The following ENOX1 variants were observed in gnomAD, a reference collection of about 807,000 sequenced individuals.
The protein encoded by ENOX1 is ecto-NOX disulfide-thiol exchanger 1, also known as candidate growth-related and time keeping constitutive hydroquinone (NADH) oxidase.
In ENOX1, 42 loss-of-function variants were observed where a neutral mutation model predicts 82.5. That is an observed-to-expected ratio of 0.51 (90% CI 0.40 to 0.66). The LOEUF (loss-of-function observed/expected upper bound fraction) is 0.66. Ranked by LOEUF, ENOX1 falls within the 30% of genes least tolerant of loss-of-function variation. The pLI is 0.00. For synonymous variants in ENOX1, 271 were observed against 282.2 expected, an observed-to-expected ratio of 0.96 and a Z score of 0.40; for missense variants, 608 against 811.6, an observed-to-expected ratio of 0.75 and a Z score of 3.05.
At chr13:43,685,850 T>G (rs934885087) in intron 1 of ENOX1, among the ~76,000 whole-genome samples, 7 of 149,300 alleles carry the variant, frequency 4.7e-5, no homozygotes, top group African/African-American at 1.7e-4. Flanking sequence ...GACTTGTCAC[T>G]GCCTTTAGAA....
chr13:43,398,447 TAGA>T (rs1468651293), intron 5 of ENOX1, among the ~76,000 whole-genome samples: 2 of 152,144 alleles, frequency 1.3e-5, no homozygotes, highest in East Asian at 3.9e-4. Flanking sequence ...CCTCATGGTT[TAGA>T]AGGTCTAAAA....
intron 8 of ENOX1, among the ~76,000 whole-genome samples, chr13:43,350,069 C>T (rs527886601): frequency 9.2e-5 from 14 of 152,302 alleles, no homozygotes; most frequent in African/African-American, 3.4e-4. Flanking sequence ...TATTTTACAA[C>T]TTTGTAGGAG....
intron 5 of ENOX1, among the ~76,000 whole-genome samples, chr13:43,379,288 C>T (rs1171803375): frequency 6.6e-6 from 1 of 151,922 alleles, no homozygotes; most frequent in African/African-American, 2.4e-5. Context: ...AAATTACATA[C>T]CAGGCATACA....
At chr13:43,770,712 C>CAT (rs1389618809) in intron 1 of ENOX1, among the ~76,000 whole-genome samples, 1 of 151,818 alleles carries the variant, frequency 6.6e-6, no homozygotes, top group Non-Finnish European at 1.5e-5. Flanking sequence ...CACACACACA[C>CAT]ACACACACAC....
chr13:43,633,591 A>C (rs2083300269), intron 2 of ENOX1, among the ~76,000 whole-genome samples: 1 of 152,150 alleles, frequency 6.6e-6, no homozygotes, highest in Admixed American at 6.6e-5. Flanking sequence ...ATGTATAATA[A>C]TATGGGGAAA....
chr13:43,500,923 T>A (rs1421475646), intron 2 of ENOX1, among the ~76,000 whole-genome samples: 6 of 151,724 alleles, frequency 4.0e-5, no homozygotes, highest in African/African-American at 1.4e-4. Context: ...AAAAGTATAG[T>A]AGATACAAAA....
At chr13:43,521,060 C>T (rs1252336853) in intron 2 of ENOX1, among the ~76,000 whole-genome samples, 1 of 152,108 alleles carries the variant, frequency 6.6e-6, no homozygotes. Flanking sequence ...GGACATATCA[C>T]TATTTTTCAA....
At chr13:43,606,408 A>G (rs1353907581) in intron 2 of ENOX1, among the ~76,000 whole-genome samples, 1 of 152,036 alleles carries the variant, frequency 6.6e-6, no homozygotes, top group African/African-American at 2.4e-5. Flanking sequence ...GGAAGCCCTC[A>G]ACAGACAAAT....
At chr13:43,553,882 G>T (rs770593509) in intron 2 of ENOX1, among the ~76,000 whole-genome samples, 2 of 152,148 alleles carry the variant, frequency 1.3e-5, no homozygotes, top group Non-Finnish European at 2.9e-5. Context: ...CGAGCAGCTG[G>T]GGTTACAGGT....
At chr13:43,272,923 A>G (rs540475037) in intron 12 of ENOX1, among the ~76,000 whole-genome samples, 1 of 152,308 alleles carries the variant, frequency 6.6e-6, no homozygotes, top group East Asian at 1.9e-4. Context: ...TGTTCTCACT[A>G]CAGTCACCAG....
At chr13:43,247,860 TA>T (rs57853213) in intron 14 of ENOX1, among the ~76,000 whole-genome samples, 304 of 3,946 alleles carry the variant, frequency 0.077, 42 homozygotes, top group African/African-American at 0.15. Context: ...TATATATATA[TA>T]TATATATATA....
At chr13:43,283,243 C>T (rs773778152) in intron 12 of ENOX1, among the ~76,000 whole-genome samples, 68 of 151,970 alleles carry the variant, frequency 4.5e-4, no homozygotes, top group Non-Finnish European at 8.4e-4. Flanking sequence ...TCTTTAGTCT[C>T]TGTTGCATCT....
intron 8 of ENOX1, among the ~76,000 whole-genome samples, chr13:43,352,968 C>T (rs1566582292): frequency 6.6e-6 from 1 of 152,146 alleles, no homozygotes; most frequent in Non-Finnish European, 1.5e-5. Context: ...TTTGTTATTG[C>T]CTGTGTCACT....
chr13:43,280,385 A>G (rs1455660278), intron 12 of ENOX1, among the ~76,000 whole-genome samples: 1 of 152,240 alleles, frequency 6.6e-6, no homozygotes, highest in Non-Finnish European at 1.5e-5. Flanking sequence ...CCACTGGAGA[A>G]CCAAACAATA....
intron 3 of ENOX1, among the ~76,000 whole-genome samples, chr13:43,439,041 C>CTTTTTTTTTT (rs61212622): frequency 1.3e-4 from 16 of 120,144 alleles, no homozygotes; most frequent in Non-Finnish European, 2.4e-4. Flanking sequence ...GTCTTTTAAT[C>CTTTTTTTTTT]TTTTTTTTTT....
rs2056438186 is a variant in ENOX1 at position 43,442,941 on chromosome 13, C to A, written c.-74-29953G>T. Among the ~76,000 whole-genome samples the A allele has an allele frequency of 2.6e-5, 4 of 152,028 alleles. No individual in the cohort carries two copies. In the South Asian group the frequency reaches 8.3e-4, roughly 32 times the overall value. On this transcript the variant is annotated intron_variant, in intron 3 of 16. Coordinates refer to ENST00000690772, the MANE Select transcript of ENOX1 (RefSeq NM_001347969.2). ...TAAATTAAAAATCTTAAGAATAAGT[C>A]CAGTGTTTTAAATATACTATGGAAA... is the stretch of plus-strand genomic sequence containing the variant.
At chr13:43,235,042 C>A (rs1390207964) in intron 15 of ENOX1, among the ~76,000 whole-genome samples, 3 of 151,972 alleles carry the variant, frequency 2.0e-5, no homozygotes, top group Admixed American at 1.3e-4. Flanking sequence ...TTGTTCATAC[C>A]CTAAAAGCAT....
intron 3 of ENOX1, among the ~76,000 whole-genome samples, chr13:43,448,801 T>C (rs1247704266): frequency 3.9e-5 from 6 of 152,232 alleles, no homozygotes; most frequent in Non-Finnish European, 8.8e-5. Flanking sequence ...GAAAGCACTT[T>C]AACTCAGAGC....
At chr13:43,690,258 TAA>T (rs5803202) in intron 1 of ENOX1, among the ~76,000 whole-genome samples, 21,214 of 139,358 alleles carry the variant, frequency 0.15, 2,051 homozygotes, top group East Asian at 0.32. Context: ...ATAAATAAGT[TAA>T]AAAAAAAAAA....
Sources: gnomAD v4.1 joint callset for allele counts (sites outside exome capture counted in the v4.1 genomes callset) on GRCh38, gnomAD v4.1.1 for gene constraint, MANE v1.5 for transcripts, NCBI Gene and HGNC (gene_info 2026-07-23, HGNC 2026-07-21) for gene names.